The following COL4A2 variants were observed in gnomAD, a reference collection of about 807,000 sequenced individuals.
COL4A2 encodes the protein collagen alpha-2(IV) chain.
COL4A2 carries 99 observed loss-of-function variants against 200.2 expected under a neutral mutation model. That is an observed-to-expected ratio of 0.49 (90% CI 0.42 to 0.58). The LOEUF (loss-of-function observed/expected upper bound fraction) is 0.58. COL4A2 is among the 20% of genes least tolerant of loss of function. The pLI, the probability that COL4A2 is intolerant of heterozygous loss-of-function variation, is 0.00. For missense variants in COL4A2, 1,950 were observed against 2,314.1 expected (o/e 0.84, Z 3.23); for synonymous variants, 897 against 900.6 (o/e 1.00, Z 0.07).
intron 3 of COL4A2, among the ~76,000 whole-genome samples, chr13:110,309,349 C>T (rs1884908332): frequency 6.6e-6 from 1 of 152,218 alleles, no homozygotes; most frequent in African/African-American, 2.4e-5. Flanking sequence ...CTCTTCGTCC[C>T]AGCCCCGACT....
intron 6 of COL4A2, among the ~76,000 whole-genome samples, chr13:110,425,917 A>G (rs1880456560): frequency 6.6e-6 from 1 of 152,154 alleles, no homozygotes; most frequent in African/African-American, 2.4e-5. Context: ...CGCAGAGCAG[A>G]AGGAGACAGT....
Position 110,501,714 on chromosome 13 carries a change from T to C in COL4A2, c.3807T>C (p.Gly1269=), listed in dbSNP as rs409858. The change falls in exon 41 of 48, where the codon GGT becomes GGC. Residue 1269 remains glycine, a synonymous_variant. Coordinates refer to ENST00000360467, the MANE Select transcript of COL4A2 (RefSeq NM_001846.4). The part of the protein sequence containing the change: ...PGSPGLQGFP[G]ITPPSNISGA... ...GCCCAGGACTTCAGGGGTTCCCTGG[T>C]ATCACACCCCCTTCCAACATCTCTG... is the stretch of plus-strand genomic sequence containing the variant. 1,596,959 of 1,613,524 alleles carry C rather than the reference T, an allele frequency of 0.99. 791,508 individuals carry two copies. The highest frequency in any genetic ancestry group is 1 in the East Asian group (44,882 of 44,882).
At position 110,482,508 on chromosome 13, in the gene COL4A2, C is replaced by A; in HGVS notation, c.2759-8C>A. ...TCTAACCCAGCACTTTTCTCTTTTC[C>A]TCTGAAGGAGATAGAGGCTCACCTG... On this transcript the variant is annotated splice_region_variant and splice_polypyrimidine_tract_variant and intron_variant, in intron 31 of 47. Coordinates refer to ENST00000360467, the MANE Select transcript of COL4A2 (RefSeq NM_001846.4). 6.2e-7 allele frequency: 1 copy of A among 1,613,420 alleles called. No individual in the cohort carries two copies. Among genetic ancestry groups the A allele is most frequent in the East Asian group, 2.2e-5 (1 of 44,846 alleles).
chr13:110,451,054 C>T (rs979487482), intron 20 of COL4A2, among the ~76,000 whole-genome samples: 4 of 152,200 alleles, frequency 2.6e-5, no homozygotes, highest in African/African-American at 4.8e-5. Flanking sequence ...TCAATAAAGC[C>T]GGCAGGCACA....
intron 10 of COL4A2, 31 bp downstream of exon 10, chr13:110,430,638 G>C (rs988508564): frequency 6.2e-7 from 1 of 1,613,884 alleles, no homozygotes; most frequent in Non-Finnish European, 8.5e-7. Context: ...GCCCACTCTG[G>C]GACCATCGTC....
At position 110,495,408 on chromosome 13, in the gene COL4A2, C is replaced by T. The variant is rs759169596; in HGVS notation, c.3701C>T (p.Ala1234Val). ...PPGERGDPGE[A>V]NTLPGPVGVP... Reference sequence around the variant, plus strand: ...GGGGAAAGAGGTGACCCAGGAGAGGCCAACACCCTTCCAGGCCCTGTGGGA... The same window carrying T: ...GGGGAAAGAGGTGACCCAGGAGAGGTCAACACCCTTCCAGGCCCTGTGGGA... Residue 1234 changes from alanine (A) to valine (V), a missense_variant, in exon 40 of 48, where the codon GCC (alanine) becomes GTC (valine). This residue lies in a region of COL4A2 where 1,385 missense variants were observed against 1,720.5 expected (regional missense o/e 0.80). Coordinates refer to ENST00000360467, the MANE Select transcript of COL4A2 (RefSeq NM_001846.4). The T allele has an allele frequency of 1.2e-6, 2 of 1,614,084 alleles. No individual in the cohort carries two copies. The highest frequency in any genetic ancestry group is 1.6e-4 in the Middle Eastern group (1 of 6,062).
At chr13:110,317,486 C>T (rs1352614110) in intron 3 of COL4A2, among the ~76,000 whole-genome samples, 1 of 152,204 alleles carries the variant, frequency 6.6e-6, no homozygotes, top group East Asian at 1.9e-4. Context: ...CTCTGGGGAG[C>T]ATCAAACAGA....
At position 110,438,809 on chromosome 13, in the gene COL4A2, C is replaced by CCCT. The variant is rs1434204392; in HGVS notation, c.912+143_912+144insTCC. The CCCT allele has an allele frequency of 2.6e-4, 193 of 751,832 alleles. 2 individuals are homozygous for CCCT. Among genetic ancestry groups the CCCT allele is most frequent in the African/African-American group, 3.5e-4 (15 of 42,766 alleles). 46.6% of individuals were successfully genotyped at this position (751,832 alleles called of 1,614,324 possible). On this transcript the variant is annotated intron_variant, in intron 15 of 47. Transcript: ENST00000360467. The stretch of plus-strand genomic sequence containing the variant: ...TTCCCGTTATTACTCCCCACCCCCC[C>CCCT]CCACACACACACACAGCAGCCCCCC...
chr13:110,445,319 A>G (rs1437930672), intron 16 of COL4A2, among the ~76,000 whole-genome samples: 6 of 152,214 alleles, frequency 3.9e-5, no homozygotes, highest in African/African-American at 1.2e-4. Flanking sequence ...CCCGACACTC[A>G]TATCTTCTGT....
At chr13:110,431,404 G>C (rs576297451) in intron 10 of COL4A2, among the ~76,000 whole-genome samples, 49 of 152,212 alleles carry the variant, frequency 3.2e-4, no homozygotes, top group African/African-American at 1.2e-3. Flanking sequence ...CAGTTGGGGG[G>C]TACTCATAAT....
chr13:110,427,610 T>C (rs548790153), intron 6 of COL4A2, among the ~76,000 whole-genome samples: 1 of 152,306 alleles, frequency 6.6e-6, no homozygotes, highest in East Asian at 1.9e-4. Context: ...TAGCTAAATA[T>C]CTATTGTTTA....
rs187731302 is a variant in COL4A2, at chr13:110,442,489, C to A, written c.957+2656C>A. 4.6e-5 allele frequency among the ~76,000 whole-genome samples: 7 copies of A among 152,330 alleles called. No individual in the cohort carries two copies. The East Asian group carries it at 1.4e-3, about 29-fold the overall frequency. On this transcript the variant is annotated intron_variant, in intron 16 of 47. Transcript: ENST00000360467. ...CATTTGTTCCCCACCCAACACCTCC[C>A]CCTAGACACCAAAAGCCCCTCCAAG...
chr13:110,387,267 G>A (rs563210320), intron 4 of COL4A2, among the ~76,000 whole-genome samples: 1 of 152,248 alleles, frequency 6.6e-6, no homozygotes, highest in South Asian at 2.1e-4. Flanking sequence ...AAAAAAAGGA[G>A]CGACTGATAC....
intron 18 of COL4A2, 80 bp downstream of exon 18, chr13:110,446,944 C>A (rs1040360848): frequency 2.5e-6 from 3 of 1,194,546 alleles, no homozygotes; most frequent in Non-Finnish European, 3.5e-6. Context: ...TATGAACTTT[C>A]AAGACAGATA....
At chr13:110,424,640 C>CAACA (rs1555328091) in intron 4 of COL4A2, 94 bp from the exon 5 acceptor site, 30 of 699,468 alleles carry the variant, frequency 4.3e-5, no homozygotes, top group East Asian at 6.0e-5. Context: ...TCTTTAAAAA[C>CAACA]AAAAAAAAAA....
intron 3 of COL4A2, among the ~76,000 whole-genome samples, chr13:110,319,103 C>A (rs1226867362): frequency 6.6e-6 from 1 of 151,672 alleles, no homozygotes; most frequent in Non-Finnish European, 1.5e-5. Context: ...GTCAGCAGGA[C>A]TGGTGGGTGC....
chr13:110,457,456 C>G (rs771941877), intron 21 of COL4A2, 21 bp downstream of exon 21: 3 of 1,407,362 alleles, frequency 2.1e-6, no homozygotes, highest in East Asian at 4.6e-5. Flanking sequence ...CTGGGAGGGA[C>G]GGGATGAGGA....
At chr13:110,443,977 A>C (rs1249724784) in intron 16 of COL4A2, among the ~76,000 whole-genome samples, 1 of 151,956 alleles carries the variant, frequency 6.6e-6, no homozygotes, top group African/African-American at 2.4e-5. Flanking sequence ...CTGAGGGTGC[A>C]TTTTCTCCTT....
At chr13:110,437,932 C>T (rs1055243011) in intron 13 of COL4A2, 70 bp from the exon 14 acceptor site, 2 of 1,230,884 alleles carry the variant, frequency 1.6e-6, no homozygotes, top group Admixed American at 3.4e-5. Flanking sequence ...ATGTCATGAA[C>T]CCTGATTGAT....
Sources: allele counts gnomAD v4.1 joint callset (sites outside exome capture counted in the v4.1 genomes callset), GRCh38; gene constraint gnomAD v4.1.1; regional missense constraint gnomAD v4.1.1; transcripts MANE v1.5; gene names NCBI Gene and HGNC (gene_info 2026-07-23, HGNC 2026-07-21).